The following PTPRN2 variants were observed in gnomAD, a reference collection of about 807,000 sequenced individuals.
The protein encoded by PTPRN2 is receptor-type tyrosine-protein phosphatase N2.
In PTPRN2, 74 loss-of-function variants were observed where a neutral mutation model predicts 118.8. The ratio of observed to expected loss-of-function variants is 0.62; its 90% CI spans 0.52 to 0.76. The LOEUF (loss-of-function observed/expected upper bound fraction) is 0.76, where lower values mean the gene tolerates loss of function less well. PTPRN2 is among the 30% of genes least tolerant of loss of function. PTPRN2 has a pLI of 0.00. For missense variants in PTPRN2, 1,481 were observed against 1,394.4 expected, an observed-to-expected ratio of 1.06 and a Z score of -0.99; for synonymous variants, 641 against 608.0, an observed-to-expected ratio of 1.05 and a Z score of -0.80.
intron 2 of PTPRN2, among the ~76,000 whole-genome samples, chr7:158,322,675 A>C (rs1349924369): frequency 7.0e-6 from 1 of 143,188 alleles, no homozygotes; most frequent in South Asian, 2.2e-4. Context: ...GTTCTGGATC[A>C]GGCAGGAGAG....
At chr7:158,200,110 C>A (rs1826518121) in intron 4 of PTPRN2, among the ~76,000 whole-genome samples, 1 of 152,114 alleles carries the variant, frequency 6.6e-6, no homozygotes, top group Non-Finnish European at 1.5e-5. Flanking sequence ...GGAATCAGTC[C>A]CCTTGCTGCT....
chr7:158,157,386 G>A (rs1305791731), intron 6 of PTPRN2, among the ~76,000 whole-genome samples: 5 of 152,278 alleles, frequency 3.3e-5, no homozygotes, highest in African/African-American at 1.2e-4. Flanking sequence ...GACCTGGCAG[G>A]AAAGCAGTGA....
intron 3 of PTPRN2, among the ~76,000 whole-genome samples, chr7:158,312,283 CACACATG>C (rs1801870336): frequency 4.8e-5 from 2 of 42,064 alleles, no homozygotes; most frequent in African/African-American, 7.4e-5. Flanking sequence ...TGTAGACACG[CACACATG>C]CACACACATG....
intron 6 of PTPRN2, among the ~76,000 whole-genome samples, chr7:158,150,922 A>AAC (rs1820959547): frequency 6.6e-6 from 1 of 151,810 alleles, no homozygotes; most frequent in Non-Finnish European, 1.5e-5. Context: ...GGCCCCACAC[A>AAC]ACACCGAGAA....
At chr7:157,981,332 T>A (rs1803128176) in intron 11 of PTPRN2, among the ~76,000 whole-genome samples, 1 of 124,314 alleles carries the variant, frequency 8.0e-6, no homozygotes, top group Admixed American at 8.5e-5. Context: ...CTGCTCAAAC[T>A]CCTGCTATTC....
chr7:158,160,156 T>G (rs1466097763), intron 6 of PTPRN2, among the ~76,000 whole-genome samples: 11 of 152,118 alleles, frequency 7.2e-5, no homozygotes, highest in African/African-American at 2.4e-4. Flanking sequence ...TAGACTTCGT[T>G]TTAAGTGTCA....
intron 14 of PTPRN2, among the ~76,000 whole-genome samples, chr7:157,648,850 C>A (rs199498143): frequency 5.3e-5 from 6 of 114,240 alleles, no homozygotes; most frequent in African/African-American, 1.7e-4. Context: ...ACCCATCCAG[C>A]GTGCACTGAA....
chr7:158,403,091 A>C (rs1451390289), intron 2 of PTPRN2, among the ~76,000 whole-genome samples: 1 of 152,144 alleles, frequency 6.6e-6, no homozygotes, highest in Non-Finnish European at 1.5e-5. Flanking sequence ...TGGAGACACC[A>C]CAGGGTTTTG....
At chr7:157,601,991 G>C (rs753241425) in intron 16 of PTPRN2, among the ~76,000 whole-genome samples, 2 of 152,236 alleles carry the variant, frequency 1.3e-5, no homozygotes, top group South Asian at 4.1e-4. Flanking sequence ...CAAGTGAGAG[G>C]CTGGCACATC....
intron 2 of PTPRN2, among the ~76,000 whole-genome samples, chr7:158,441,415 GTGA>G (rs1456505316): frequency 6.8e-6 from 1 of 147,544 alleles, no homozygotes; most frequent in Non-Finnish European, 1.5e-5. Flanking sequence ...GGTAGTGGTG[GTGA>G]TGGTGATAGT....
chr7:157,586,955 C>T (rs1370847006), intron 17 of PTPRN2, among the ~76,000 whole-genome samples: 2 of 152,230 alleles, frequency 1.3e-5, no homozygotes, highest in African/African-American at 4.8e-5. Flanking sequence ...CCAGGGTCAT[C>T]TCTGGATGCT....
At chr7:158,196,426 G>A (rs1035597617) in intron 4 of PTPRN2, among the ~76,000 whole-genome samples, 4 of 152,168 alleles carry the variant, frequency 2.6e-5, no homozygotes, top group African/African-American at 7.2e-5. Context: ...CCACCATGGG[G>A]GTCTGCCTCA....
At position 157,840,403 on chromosome 7, in the gene PTPRN2, T is replaced by C. The variant is rs112325559; in HGVS notation, c.1788+58270A>G. Among the ~76,000 whole-genome samples the C allele has an allele frequency of 3.0e-3, 349 of 117,694 alleles. 3 individuals carry two copies. The highest frequency in any genetic ancestry group is 7.5e-3 in the African/African-American group (207 of 27,562). The allele number at this position is 117,694 out of a possible 152,430, so 77.2% of individuals were successfully genotyped here. ...GTGACCGCGTGTGACTGTGTGACCG[T>C]GTGTGACTGTGTGACTGTGTGTGAC... On this transcript the variant is annotated intron_variant, in intron 12 of 22. Coordinates refer to ENST00000389418, the MANE Select transcript of PTPRN2 (RefSeq NM_002847.5).
chr7:157,631,515 G>A lies in PTPRN2; in HGVS notation c.2197-10006C>T, dbSNP rs941881563. On this transcript the variant is annotated intron_variant, in intron 14 of 22. Transcript: ENST00000389418. Reference sequence around the variant, plus strand: ...AGATCGAGACCATCCTGGCTAACACGGTGAAACCCTGTCTCTACTAAAAAT... The same window carrying A: ...AGATCGAGACCATCCTGGCTAACACAGTGAAACCCTGTCTCTACTAAAAAT... Among the ~76,000 whole-genome samples, 157 of 152,000 alleles carry A rather than the reference G, an allele frequency of 1.0e-3. 1 individual carries two copies. The highest frequency in any genetic ancestry group is 3.7e-3 in the African/African-American group (152 of 41,450).
chr7:158,530,112 C>T (rs1320298638), intron 1 of PTPRN2, among the ~76,000 whole-genome samples: 2 of 152,048 alleles, frequency 1.3e-5, no homozygotes, highest in Non-Finnish European at 1.5e-5. Context: ...AGGCTGACCC[C>T]AAAAATAAGT....
chr7:158,166,794 C>A (rs1300950176), intron 6 of PTPRN2, 137 bp downstream of exon 6: 2 of 1,166,050 alleles, frequency 1.7e-6, no homozygotes, highest in African/African-American at 3.1e-5. Context: ...TACATGGTGC[C>A]CCATTCCTGC....
intron 1 of PTPRN2, among the ~76,000 whole-genome samples, chr7:158,500,876 T>C (rs1822311126): frequency 6.6e-6 from 1 of 152,234 alleles, no homozygotes; most frequent in African/African-American, 2.4e-5. Flanking sequence ...AGAACCTGCA[T>C]ATCTAACCAG....
chr7:158,108,021 C>A (rs920403377), intron 10 of PTPRN2, among the ~76,000 whole-genome samples: 4 of 151,974 alleles, frequency 2.6e-5, no homozygotes, highest in African/African-American at 9.7e-5. Flanking sequence ...GGCCCACACA[C>A]CTGCCCCCCA....
At chr7:158,478,761 A>G (rs531901300) in intron 2 of PTPRN2, among the ~76,000 whole-genome samples, 1 of 152,306 alleles carries the variant, frequency 6.6e-6, no homozygotes, top group South Asian at 2.1e-4. Context: ...CACGCCGTAC[A>G]GAGATGTAAT....
Sources: gnomAD v4.1 joint callset for allele counts (sites outside exome capture counted in the v4.1 genomes callset) on GRCh38, gnomAD v4.1.1 for gene constraint, MANE v1.5 for transcripts, NCBI Gene and HGNC (gene_info 2026-07-23, HGNC 2026-07-21) for gene names.